EPHA4: variants seen among roughly 807,000 people sequenced by gnomAD.
The protein encoded by EPHA4 is EPH receptor A4.
EPHA4 carries 19 observed loss-of-function variants against 108.3 expected under a neutral mutation model. The observed-to-expected ratio is 0.18, with a 90% confidence interval of 0.12 to 0.26. The LOEUF (loss-of-function observed/expected upper bound fraction) is 0.26. Among genes scored for constraint, EPHA4 ranks in the 10% least tolerant of loss-of-function variants. The probability of loss-of-function intolerance (pLI) is 1.00; values close to 1 mark genes in which losing one functional copy is unlikely to be tolerated. For synonymous variants in EPHA4, 449 were observed against 455.5 expected (o/e 0.99, Z 0.18); for missense variants, 917 against 1,254.0 (o/e 0.73, Z 4.06).
At position 221,437,162 on chromosome 2, in the gene EPHA4, C is replaced by T. The variant is rs114173351; in HGVS notation, c.2075-40G>A. ...AAGAAAAACACAAACCTTTGATGAGCGCTGCACTTAATGAGATAAAAATGG... is the reference window on the plus strand; with the variant it reads ...AAGAAAAACACAAACCTTTGATGAGTGCTGCACTTAATGAGATAAAAATGG... On this transcript the variant is annotated intron_variant, in intron 11 of 17. Transcript: ENST00000281821. 1,252 of 1,454,092 alleles carry T rather than the reference C, an allele frequency of 8.6e-4. 8 individuals carry two copies. In the African/African-American group the frequency reaches 0.016, roughly 18 times the overall value. The allele number at this position is 1,454,092 out of a possible 1,614,324, so 90.1% of individuals were successfully genotyped here.
chr2:221,449,136 C>A (rs1897120), intron 8 of EPHA4, among the ~76,000 whole-genome samples: 62,759 of 151,804 alleles, frequency 0.41, 14,006 homozygotes, highest in African/African-American at 0.59. Context: ...TGAAAAAAAA[C>A]CACAAGGATT....
At chr2:221,445,380 G>A (rs1470580812) in intron 9 of EPHA4, among the ~76,000 whole-genome samples, 2 of 151,978 alleles carry the variant, frequency 1.3e-5, no homozygotes. Context: ...ACGAGGTCAG[G>A]AGATGGAGAC....
chr2:221,437,185 TG>T lies in EPHA4; in HGVS notation c.2075-64del, dbSNP rs755662445. 1.1e-3 allele frequency: 1,334 copies of T among 1,265,706 alleles called. 1 individual carries two copies. Among genetic ancestry groups the T allele is most frequent in the Non-Finnish European group, 1.3e-3 (1,115 of 874,212 alleles). 78.4% of individuals were successfully genotyped at this position (1,265,706 alleles called of 1,614,324 possible). ...AGCGCTGCACTTAATGAGATAAAAA[TG>T]GGCTGCGCACAATTTTACTGCCAAG... On this transcript the variant is annotated intron_variant, in intron 11 of 17. Coordinates refer to ENST00000281821, the MANE Select transcript of EPHA4 (RefSeq NM_004438.5).
At chr2:221,573,415 T>A (rs1574672963), upstream of EPHA4, 1 of 152,028 alleles carries the variant, frequency 6.6e-6, no homozygotes, top group Admixed American at 6.5e-5. The surrounding 1 kb of genome is among the most constrained non-coding windows in gnomAD (Gnocchi z 4.5). Flanking sequence ...GCCCGAGCCG[T>A]GGACGCGGCC....
At chr2:221,572,392 A>G, upstream of EPHA4, 1 of 656,456 alleles carries the variant, frequency 1.5e-6, no homozygotes, top group Non-Finnish European at 2.5e-6. Context: ...CCCGCGGCCA[A>G]TGGCGGCGCA....
chr2:221,499,756 A>ATATTTTTT (rs1334015871), intron 4 of EPHA4, among the ~76,000 whole-genome samples: 6 of 26,222 alleles, frequency 2.3e-4, no homozygotes, highest in Non-Finnish European at 3.2e-4. Context: ...ATATATATAT[A>ATATTTTTT]TTTTTTTTTT....
chr2:221,565,765 A>T (rs1453133828), intron 2 of EPHA4, among the ~76,000 whole-genome samples: 1 of 152,236 alleles, frequency 6.6e-6, no homozygotes, highest in Admixed American at 6.5e-5. Flanking sequence ...AAGCAATAAA[A>T]TCACCAGTAA....
At chr2:221,561,199 G>T (rs541837233) in intron 3 of EPHA4, among the ~76,000 whole-genome samples, 1 of 151,946 alleles carries the variant, frequency 6.6e-6, no homozygotes, top group Non-Finnish European at 1.5e-5. Context: ...CCAAGATCGC[G>T]CCACTGCACT....
intron 8 of EPHA4, among the ~76,000 whole-genome samples, chr2:221,454,693 C>T (rs1286928079): frequency 1.3e-5 from 2 of 152,182 alleles, no homozygotes; most frequent in African/African-American, 4.8e-5. Context: ...ATGACTACTC[C>T]TCTGGAGCCT....
chr2:221,483,228 CGA>C (rs1292173646), intron 4 of EPHA4, among the ~76,000 whole-genome samples: 1 of 152,096 alleles, frequency 6.6e-6, no homozygotes, highest in Admixed American at 6.5e-5. Flanking sequence ...GTAATTAGTA[CGA>C]ACTGGTTTAA....
At chr2:221,463,736 C>T (rs1291809296) in intron 5 of EPHA4, among the ~76,000 whole-genome samples, 1 of 152,194 alleles carries the variant, frequency 6.6e-6, no homozygotes, top group Admixed American at 6.5e-5. Context: ...CATTAAACAC[C>T]TACAAGTCAT....
chr2:221,483,688 C>T (rs745555286), intron 4 of EPHA4, among the ~76,000 whole-genome samples: 7 of 151,924 alleles, frequency 4.6e-5, no homozygotes, highest in Admixed American at 1.3e-4. Context: ...CTATCTTTGG[C>T]GGAGTTTGGC....
chr2:221,445,291 T>C (rs1005922915), intron 9 of EPHA4, among the ~76,000 whole-genome samples: 1 of 152,038 alleles, frequency 6.6e-6, no homozygotes, highest in African/African-American at 2.4e-5. Context: ...CCACTGTCCA[T>C]TTAAAAGTCT....
chr2:221,518,549 G>A (rs560555093), intron 3 of EPHA4, among the ~76,000 whole-genome samples: 1 of 152,244 alleles, frequency 6.6e-6, no homozygotes, highest in African/African-American at 2.4e-5. Flanking sequence ...CTAAGTATAC[G>A]AATGAATGAA....
intron 8 of EPHA4, among the ~76,000 whole-genome samples, chr2:221,449,049 A>C (rs1690685880): frequency 6.6e-6 from 1 of 152,194 alleles, no homozygotes; most frequent in Non-Finnish European, 1.5e-5. Context: ...TTAGTGGTGA[A>C]GGTGTGTTTT....
chr2:221,440,730 CTCTAAGTAT>C (rs1292966240), intron 11 of EPHA4, among the ~76,000 whole-genome samples: 4 of 151,984 alleles, frequency 2.6e-5, no homozygotes, highest in Non-Finnish European at 5.9e-5. Context: ...GTGGTAACCA[CTCTAAGTAT>C]TCTATTTCAT....
chr2:221,449,068 A>AT (rs1176433382), intron 8 of EPHA4, among the ~76,000 whole-genome samples: 1 of 152,070 alleles, frequency 6.6e-6, no homozygotes, highest in African/African-American at 2.4e-5. Context: ...TTTAAATGAG[A>AT]TTTTTTTACG....
At chr2:221,488,314 T>C (rs1692036150) in intron 4 of EPHA4, among the ~76,000 whole-genome samples, 2 of 152,168 alleles carry the variant, frequency 1.3e-5, no homozygotes, top group East Asian at 1.9e-4. Flanking sequence ...AAAGCCTATC[T>C]AAAAAGCTCA....
chr2:221,519,012 A>AG (rs1693076432), intron 3 of EPHA4, among the ~76,000 whole-genome samples: 1 of 151,960 alleles, frequency 6.6e-6, no homozygotes, highest in African/African-American at 2.4e-5. Context: ...TAAAGGTTGG[A>AG]GGGGTGGGGC....
Sources: allele counts gnomAD v4.1 joint callset (sites outside exome capture counted in the v4.1 genomes callset), GRCh38; gene constraint gnomAD v4.1.1; non-coding constraint Gnocchi (gnomAD v3.1); transcripts MANE v1.5; gene names NCBI Gene and HGNC (gene_info 2026-07-23, HGNC 2026-07-21).